The following ST8SIA1 variants were observed in gnomAD, a reference collection of about 807,000 sequenced individuals.
ST8SIA1 encodes the protein ST8 alpha-N-acetyl-neuraminide alpha-2,8-sialyltransferase 1.
ST8SIA1 carries 16 observed loss-of-function variants against 35.9 expected under a neutral mutation model. The observed-to-expected ratio is 0.45, with a 90% CI of 0.30 to 0.68. ST8SIA1 has a LOEUF of 0.68. Ranked by LOEUF, ST8SIA1 falls within the 30% of genes least tolerant of loss-of-function variation. The pLI is 0.09. For synonymous variants in ST8SIA1, 170 were observed against 169.6 expected (o/e 1.00, Z -0.02); for missense variants, 383 against 453.6 (o/e 0.84, Z 1.41).
chr12:22,266,964 C>CTTTCT (rs889593941), intron 2 of ST8SIA1, among the ~76,000 whole-genome samples: 8 of 152,134 alleles, frequency 5.3e-5, no homozygotes, highest in African/African-American at 1.9e-4. Flanking sequence ...GACACTTAGA[C>CTTTCT]ACCCCAAGGA....
At chr12:22,281,963 C>A (rs1004312973) in intron 2 of ST8SIA1, among the ~76,000 whole-genome samples, 1 of 151,888 alleles carries the variant, frequency 6.6e-6, no homozygotes, top group Non-Finnish European at 1.5e-5. Context: ...GAGCCATGAT[C>A]GTGCCACTGC....
At chr12:22,281,218 T>C (rs773371869) in intron 2 of ST8SIA1, among the ~76,000 whole-genome samples, 2 of 152,202 alleles carry the variant, frequency 1.3e-5, no homozygotes, top group African/African-American at 2.4e-5. Flanking sequence ...TTTAAACCCA[T>C]TATCTCATTT....
In ST8SIA1 at chr12:22,211,691, G is replaced by C. The variant is rs1367355483; in HGVS notation, c.585-9653C>G. Among the ~76,000 whole-genome samples, 4 of 152,102 alleles carry C rather than the reference G, an allele frequency of 2.6e-5. No homozygotes were observed. In the East Asian group the frequency reaches 7.7e-4, roughly 29 times the overall value. ...AATCCTATAAATGCAAAGTAAACCA[G>C]TTGTGATTTTCTAATTTACTATTTT... is the stretch of plus-strand genomic sequence containing the variant. On this transcript the variant is annotated intron_variant, in intron 4 of 4. Coordinates refer to ENST00000396037, the MANE Select transcript of ST8SIA1 (RefSeq NM_003034.4).
intron 4 of ST8SIA1, among the ~76,000 whole-genome samples, chr12:22,224,413 G>A (rs911093138): frequency 4.0e-5 from 6 of 151,534 alleles, no homozygotes; most frequent in Non-Finnish European, 8.8e-5. Flanking sequence ...GGGTTCAAGC[G>A]ATTATCCTGC....
At chr12:22,331,037 T>G (rs1866756254) in intron 1 of ST8SIA1, among the ~76,000 whole-genome samples, 1 of 152,216 alleles carries the variant, frequency 6.6e-6, no homozygotes, top group African/African-American at 2.4e-5. Context: ...GCTTTCTTAC[T>G]TTCTTCCTGC....
intron 2 of ST8SIA1, among the ~76,000 whole-genome samples, chr12:22,280,319 G>T (rs1051151843): frequency 1.2e-4 from 18 of 152,012 alleles, no homozygotes; most frequent in African/African-American, 4.3e-4. Context: ...AAAAACTAAA[G>T]GTATACCAGG....
intron 1 of ST8SIA1, among the ~76,000 whole-genome samples, chr12:22,289,389 G>A (rs1265357248): frequency 1.3e-5 from 2 of 152,134 alleles, no homozygotes; most frequent in African/African-American, 4.8e-5. Context: ...GGCAGAACAG[G>A]AAGCCAGGTC....
At chr12:22,264,536 T>A (rs1225619244) in intron 2 of ST8SIA1, among the ~76,000 whole-genome samples, 1 of 152,176 alleles carries the variant, frequency 6.6e-6, no homozygotes, top group East Asian at 1.9e-4. Flanking sequence ...AACTAGCCCC[T>A]TGGCAGTCCA....
intron 4 of ST8SIA1, among the ~76,000 whole-genome samples, chr12:22,218,051 C>T (rs900964548): frequency 6.6e-6 from 1 of 152,146 alleles, no homozygotes; most frequent in African/African-American, 2.4e-5. Flanking sequence ...GAAATAGGCC[C>T]GGTGATTCAT....
At chr12:22,329,602 T>G (rs894205445) in intron 1 of ST8SIA1, among the ~76,000 whole-genome samples, 1 of 152,208 alleles carries the variant, frequency 6.6e-6, no homozygotes, top group Admixed American at 6.5e-5. Flanking sequence ...ATATTTTACC[T>G]GTACAGATGG....
Position 22,287,233 on chromosome 12 carries a change from G to A in ST8SIA1, c.297C>T (p.Ser99=). The A allele has an allele frequency of 6.2e-7, 1 of 1,614,040 alleles. No individual in the cohort carries two copies. The highest frequency in any genetic ancestry group is 2.2e-5 in the East Asian group (1 of 44,868). The change falls in exon 2 of 5, where the codon TCC becomes TCT. Residue 99 remains serine, a synonymous_variant. Coordinates refer to ENST00000396037, the MANE Select transcript of ST8SIA1 (RefSeq NM_003034.4). ...CATACCACATGCTCTTCCCCATAGG[G>A]GAATTCATTTTAGTCATAGCAAAGA... is the stretch of plus-strand genomic sequence containing the variant. The part of the protein sequence containing the change: ...AHLFAMTKMN[S]PMGKSMWYDG...
chr12:22,249,279 T>G (rs575202106), intron 3 of ST8SIA1, among the ~76,000 whole-genome samples, 181 bp from the exon 4 acceptor site: 3 of 150,184 alleles, frequency 2.0e-5, no homozygotes, highest in Non-Finnish European at 3.0e-5. Flanking sequence ...AGTACAGTGG[T>G]GTGATCTCCG....
chr12:22,331,826 A>G (rs1174007419), intron 1 of ST8SIA1, among the ~76,000 whole-genome samples: 1 of 152,224 alleles, frequency 6.6e-6, no homozygotes, highest in Non-Finnish European at 1.5e-5. Context: ...GGCAGGAGAA[A>G]CATTCCAAAT....
intron 4 of ST8SIA1, among the ~76,000 whole-genome samples, chr12:22,205,161 C>T (rs1865092326): frequency 6.6e-6 from 1 of 152,110 alleles, no homozygotes; most frequent in Non-Finnish European, 1.5e-5. Flanking sequence ...TCTTTGAATT[C>T]CTGAATAATA....
At chr12:22,266,021 G>A (rs533156378) in intron 2 of ST8SIA1, among the ~76,000 whole-genome samples, 1 of 151,992 alleles carries the variant, frequency 6.6e-6, no homozygotes, top group Non-Finnish European at 1.5e-5. Flanking sequence ...GGTTATCTAT[G>A]CATACACCCA....
intron 1 of ST8SIA1, among the ~76,000 whole-genome samples, chr12:22,295,222 A>C (rs1307135562): frequency 6.6e-6 from 1 of 152,218 alleles, no homozygotes; most frequent in East Asian, 1.9e-4. Context: ...ATTTGAGTAA[A>C]GACCTGAAGG....
chr12:22,251,054 T>G (rs1865663601), intron 3 of ST8SIA1, among the ~76,000 whole-genome samples: 1 of 152,222 alleles, frequency 6.6e-6, no homozygotes, highest in South Asian at 2.1e-4. Flanking sequence ...CTCATCCGGC[T>G]GTGGTAACTG....
At chr12:22,239,780 A>G (rs1357145989) in intron 4 of ST8SIA1, among the ~76,000 whole-genome samples, 1 of 152,168 alleles carries the variant, frequency 6.6e-6, no homozygotes, top group East Asian at 1.9e-4. Flanking sequence ...TCCAGAAGAA[A>G]TTTGTGTGCT....
intron 3 of ST8SIA1, among the ~76,000 whole-genome samples, chr12:22,253,474 T>A (rs528274308): frequency 6.6e-6 from 1 of 152,318 alleles, no homozygotes; most frequent in African/African-American, 2.4e-5. Context: ...TGGGAAAGGT[T>A]GTTTCTCTGC....
Sources: gnomAD v4.1 joint callset for allele counts (sites outside exome capture counted in the v4.1 genomes callset) on GRCh38, gnomAD v4.1.1 for gene constraint, MANE v1.5 for transcripts, NCBI Gene and HGNC (gene_info 2026-07-23, HGNC 2026-07-21) for gene names.